Variants in TPX2 observed in about 807,000 individuals in gnomAD.
TPX2 encodes TPX2 microtubule nucleation factor.
A neutral mutation model predicts 93.6 loss-of-function variants in TPX2; 21 were observed. That is an observed-to-expected ratio of 0.22 (90% confidence interval 0.16 to 0.32). TPX2 has a LOEUF of 0.32. Ranked by LOEUF, TPX2 falls within the 10% of genes least tolerant of loss-of-function variation. TPX2 has a pLI of 1.00. For missense variants in TPX2, 776 were observed against 871.1 expected (o/e 0.89, Z 1.37); for synonymous variants, 281 against 298.3 (o/e 0.94, Z 0.60).
chr20:31,774,160 C>T (rs1157996945), intron 7 of TPX2, among the ~76,000 whole-genome samples: 3 of 152,158 alleles, frequency 2.0e-5, no homozygotes, highest in Non-Finnish European at 2.9e-5. Context: ...TGAGCCACCG[C>T]GCCTGGCTGG....
chr20:31,778,088 T>G (rs143965229), intron 9 of TPX2, among the ~76,000 whole-genome samples: 2 of 152,272 alleles, frequency 1.3e-5, no homozygotes, highest in Non-Finnish European at 2.9e-5. Context: ...ATAACAGATC[T>G]TATAGGAAAA....
chr20:31,761,173 C>T (rs2122992062), intron 4 of TPX2, among the ~76,000 whole-genome samples: 1 of 151,882 alleles, frequency 6.6e-6, no homozygotes, highest in Admixed American at 6.6e-5. Context: ...TCTCACCTCC[C>T]TCCTGTCACC....
intron 9 of TPX2, 119 bp from the exon 10 acceptor site, chr20:31,778,694 T>C: frequency 2.2e-6 from 2 of 913,490 alleles, no homozygotes; most frequent in Non-Finnish European, 3.3e-6. Flanking sequence ...AACTTCAGAA[T>C]AATAATCTTG....
intron 7 of TPX2, among the ~76,000 whole-genome samples, chr20:31,774,952 T>A (rs1251812925): frequency 6.6e-6 from 1 of 152,156 alleles, no homozygotes; most frequent in Non-Finnish European, 1.5e-5. Flanking sequence ...TAATCTTTTT[T>A]GTTGTTGTTG....
At position 31,794,201 on chromosome 20, in the gene TPX2, G is replaced by T. The variant is rs115722481; in HGVS notation, c.1686+177G>T. Among the ~76,000 whole-genome samples, 830 of 152,354 alleles carry T rather than the reference G, an allele frequency of 5.4e-3. 8 individuals are homozygous for T. Among genetic ancestry groups the T allele is most frequent in the African/African-American group, 0.019 (793 of 41,576 alleles). On this transcript the variant is annotated intron_variant, in intron 14 of 17. Transcript: ENST00000300403. ...AATCCTTCTGGCACAAGGAGGTTAAGTGACTTGCCTCTGATCACACTGCTG... is the reference window on the plus strand; with the variant it reads ...AATCCTTCTGGCACAAGGAGGTTAATTGACTTGCCTCTGATCACACTGCTG...
intron 11 of TPX2, among the ~76,000 whole-genome samples, chr20:31,782,876 GCACATACA>G (rs1480554679): frequency 3.1e-4 from 41 of 134,018 alleles, no homozygotes; most frequent in Non-Finnish European, 4.9e-4. Context: ...AGACTGTCTT[GCACATACA>G]CACATACACA....
At chr20:31,797,322 CA>C in intron 15 of TPX2, 81 bp from the exon 16 acceptor site, 1 of 1,244,010 alleles carries the variant, frequency 8.0e-7, no homozygotes, top group African/African-American at 1.5e-5. Context: ...TGAAGCAGTT[CA>C]GACATTAGAA....
At chr20:31,741,486 ATTT>A (rs11429328) in intron 1 of TPX2, among the ~76,000 whole-genome samples, 1 of 144,152 alleles carries the variant, frequency 6.9e-6, no homozygotes, top group African/African-American at 2.6e-5. Flanking sequence ...TAATTTTTGT[ATTT>A]TTTTTTTGAG....
intron 5 of TPX2, 45 bp downstream of exon 5, chr20:31,766,727 C>G: frequency 6.4e-7 from 1 of 1,569,944 alleles, no homozygotes. Context: ...TAATAATGTT[C>G]AAAGGATAGT....
chr20:31,792,899 A>C, intron 13 of TPX2, 69 bp downstream of exon 13: 1 of 1,413,364 alleles, frequency 7.1e-7, no homozygotes, highest in Non-Finnish European at 1.0e-6. Context: ...CTTATCATTT[A>C]TTAATCTTAA....
chr20:31,797,337 A>C, intron 15 of TPX2, 67 bp from the exon 16 acceptor site: 3 of 1,405,860 alleles, frequency 2.1e-6, no homozygotes, highest in South Asian at 2.4e-5. Context: ...ATTAGAACTT[A>C]AGTTATTGAG....
intron 4 of TPX2, among the ~76,000 whole-genome samples, chr20:31,764,584 G>A (rs958204576): frequency 4.6e-5 from 7 of 152,034 alleles, no homozygotes; most frequent in Non-Finnish European, 8.8e-5. Context: ...GTTTTAGCAT[G>A]GTATGTCTAT....
chr20:31,771,678 G>T lies in TPX2; in HGVS notation c.604G>T (p.Ala202Ser). 1 of 1,598,568 alleles carries T rather than the reference G, an allele frequency of 6.3e-7. No homozygotes were observed. Among genetic ancestry groups the T allele is most frequent in the Non-Finnish European group, 8.5e-7 (1 of 1,176,222 alleles). ...GRHTVPCMPP[A>S]KQKFLKSTEE... is the part of the protein sequence containing the mutation. Reference sequence around the variant, plus strand: ...ACATACTGTGCCTTGTATGCCACCTGCAAAGTAAGTTTCTTTCCTGAATTT... The same window carrying T: ...ACATACTGTGCCTTGTATGCCACCTTCAAAGTAAGTTTCTTTCCTGAATTT... Residue 202 changes from alanine to serine, a missense_variant, in exon 7 of 18, where the codon GCA becomes TCA. Physicochemically the swap from Ala to Ser is moderately conservative, Grantham distance 99. Around this residue, in one of 3 missense-constraint regions of TPX2, gnomAD observed 279 missense variants for 261.6 expected, o/e 1.07. Coordinates refer to ENST00000300403, the MANE Select transcript of TPX2 (RefSeq NM_012112.5).
At chr20:31,752,012 G>A (rs2061823336) in intron 2 of TPX2, among the ~76,000 whole-genome samples, 1 of 152,124 alleles carries the variant, frequency 6.6e-6, no homozygotes, top group African/African-American at 2.4e-5. Context: ...CAAAGTGTTG[G>A]GATTACAGGT....
intron 15 of TPX2, among the ~76,000 whole-genome samples, chr20:31,794,814 T>TTTGTTGTTG (rs375024389): frequency 6.6e-6 from 1 of 150,496 alleles, no homozygotes; most frequent in Non-Finnish European, 1.5e-5. Context: ...ACGCACACAT[T>TTTGTTGTTG]TTGTTGTTGT....
chr20:31,797,542 C>A, intron 16 of TPX2, 27 bp downstream of exon 16: 2 of 1,598,966 alleles, frequency 1.3e-6, no homozygotes, highest in Non-Finnish European at 8.6e-7. Flanking sequence ...TCTGATGGGA[C>A]TCGGGCAGAA....
intron 15 of TPX2, among the ~76,000 whole-genome samples, chr20:31,796,279 G>T (rs1344743517): frequency 2.6e-5 from 4 of 152,116 alleles, no homozygotes; most frequent in Admixed American, 6.6e-5. Flanking sequence ...ACTTCTACCT[G>T]TGTAAGATTA....
chr20:31,789,483 C>G (rs2062087202), intron 12 of TPX2, among the ~76,000 whole-genome samples: 1 of 151,980 alleles, frequency 6.6e-6, no homozygotes, highest in Non-Finnish European at 1.5e-5. Flanking sequence ...GTAATATTAA[C>G]CAACATATGT....
chr20:31,785,218 G>T (rs1042627094), intron 12 of TPX2, among the ~76,000 whole-genome samples: 25 of 151,988 alleles, frequency 1.6e-4, no homozygotes, highest in Admixed American at 2.6e-4. Flanking sequence ...TGATGCATAT[G>T]TACTATATGC....
Sources: allele counts gnomAD v4.1 joint callset (sites outside exome capture counted in the v4.1 genomes callset), GRCh38; gene constraint gnomAD v4.1.1; regional missense constraint gnomAD v4.1.1; transcripts MANE v1.5; gene names NCBI Gene and HGNC (gene_info 2026-07-23, HGNC 2026-07-21).